The following RGS16 variants were observed in gnomAD, a reference collection of about 807,000 sequenced individuals.
RGS16 encodes the protein hRGS-r.
A neutral mutation model predicts 18.1 loss-of-function variants in RGS16; 12 were observed. That is an observed-to-expected ratio of 0.66 (90% CI 0.42 to 1.07). The LOEUF is 1.07. RGS16 is among the 50% of genes least tolerant of loss of function. RGS16 has a pLI of 0.00. For synonymous variants in RGS16, 88 were observed against 102.0 expected, an observed-to-expected ratio of 0.86 and a Z score of 0.83; for missense variants, 238 against 249.2, an observed-to-expected ratio of 0.95 and a Z score of 0.30.
chr1:182,603,214 G>C lies in RGS16; in HGVS notation c.155+15C>G, dbSNP rs1182107805. 1 of 1,580,868 alleles carries C rather than the reference G, an allele frequency of 6.3e-7. No homozygotes were observed. Among genetic ancestry groups the C allele is most frequent in the Non-Finnish European group, 8.7e-7 (1 of 1,149,768 alleles). On this transcript the variant is annotated intron_variant, in intron 2 of 4. Coordinates refer to ENST00000367558, the MANE Select transcript of RGS16 (RefSeq NM_002928.4). ...CCTTCCCTCTCGGAGCCCTGAGCTG[G>C]TCAGCAACACTTACTTCTCTTTGCT...
chr1:182,604,371 G>C lies in RGS16; in HGVS notation c.-112C>G. 2 of 1,080,594 alleles carry C rather than the reference G, an allele frequency of 1.9e-6. No homozygotes were observed. The highest frequency in any genetic ancestry group is 2.6e-6 in the Non-Finnish European group (2 of 771,360). 66.9% of individuals were successfully genotyped at this position (1,080,594 alleles called of 1,614,324 possible). A position where few individuals can be genotyped will look rare whatever the true frequency, so the allele number is the denominator to read the frequency against. On this transcript the variant is annotated 5_prime_UTR_variant, in exon 1 of 5. Coordinates refer to ENST00000367558, the MANE Select transcript of RGS16 (RefSeq NM_002928.4). ...AGCAGGTGCTAGTCAACTGCGGTTG[G>C]GTTTAGCAGCCTGCAAGCGCCCAGA...
At chr1:182,600,941 T>C (rs1331211054) in intron 4 of RGS16, among the ~76,000 whole-genome samples, 1 of 152,166 alleles carries the variant, frequency 6.6e-6, no homozygotes, top group Admixed American at 6.5e-5. Context: ...TGTTGTCTCC[T>C]CATGTCTTTC....
At chr1:182,602,943 C>T (rs558299925) in intron 2 of RGS16, among the ~76,000 whole-genome samples, 1 of 152,250 alleles carries the variant, frequency 6.6e-6, no homozygotes, top group East Asian at 1.9e-4. Context: ...CTGTCCTAGC[C>T]CTGGATGCAC....
rs1258186959 is a variant in RGS16 at position 182,599,673 on chromosome 1, G to C, written c.*619C>G. 6.5e-6 allele frequency: 1 copy of C among 154,302 alleles called. No homozygotes were observed. The highest frequency in any genetic ancestry group is 2.4e-5 in the African/African-American group (1 of 41,464). The allele number at this position is 154,302 out of a possible 1,614,324, so 9.6% of individuals were successfully genotyped here. On this transcript the variant is annotated 3_prime_UTR_variant, in exon 5 of 5. Coordinates refer to ENST00000367558, the MANE Select transcript of RGS16 (RefSeq NM_002928.4). Reference sequence around the variant, plus strand: ...GGTATAAATATCTCGCATGGGGCAAGAGTCACATCAGCTTGCTGGCCTTGA... The same window carrying C: ...GGTATAAATATCTCGCATGGGGCAACAGTCACATCAGCTTGCTGGCCTTGA...
intron 2 of RGS16, 72 bp from the exon 3 acceptor site, chr1:182,602,556 C>T: frequency 8.0e-7 from 1 of 1,255,334 alleles, no homozygotes; most frequent in Non-Finnish European, 1.1e-6. Flanking sequence ...AAATTCTAGC[C>T]AGAACTCTGA....
In RGS16 at chr1:182,604,354, C is replaced by A. The variant is rs928956433; in HGVS notation, c.-95G>T. ...GGAAGCAAAGGCGCGGTAGCAGGTG[C>A]TAGTCAACTGCGGTTGGGTTTAGCA... On this transcript the variant is annotated 5_prime_UTR_variant, in exon 1 of 5. Coordinates refer to ENST00000367558, the MANE Select transcript of RGS16 (RefSeq NM_002928.4). 1 of 1,290,054 alleles carries A rather than the reference C, an allele frequency of 7.8e-7. No homozygotes were observed. The allele number at this position is 1,290,054 out of a possible 1,614,324, so 79.9% of individuals were successfully genotyped here.
chr1:182,604,139 C>G, intron 1 of RGS16, 77 bp downstream of exon 1: 1 of 1,491,350 alleles, frequency 6.7e-7, no homozygotes, highest in Non-Finnish European at 9.1e-7. Context: ...CGCGCCCACC[C>G]AGGTCCCCAG....
chr1:182,600,292 TC>T lies in RGS16; in HGVS notation c.608del (p.Ter203=). On this transcript the variant is annotated frameshift_variant and stop_lost, in exon 5 of 5. Coordinates refer to ENST00000367558, the MANE Select transcript of RGS16 (RefSeq NM_002928.4). LOFTEE classifies it high-confidence loss of function. ...SCSLDEPSHT[*>X] The stretch of plus-strand genomic sequence containing the variant: ...CTGGCTTCCTCACTGCCGTGGAGAC[TC>T]AGGTGTGTGAGGGCTCGTCCAGGCT... 6.2e-7 allele frequency: 1 copy of T among 1,608,832 alleles called. No individual in the cohort carries two copies. The highest frequency in any genetic ancestry group is 8.5e-7 in the Non-Finnish European group (1 of 1,177,684).
Position 182,604,360 on chromosome 1 carries a change from A to G in RGS16, c.-101T>C. 1 of 1,257,014 alleles carries G rather than the reference A, an allele frequency of 8.0e-7. No homozygotes were observed. Among genetic ancestry groups the G allele is most frequent in the Non-Finnish European group, 1.1e-6 (1 of 919,530 alleles). The allele number at this position is 1,257,014 out of a possible 1,614,324, so 77.9% of individuals were successfully genotyped here. ...AAAGGCGCGGTAGCAGGTGCTAGTCAACTGCGGTTGGGTTTAGCAGCCTGC... is the reference window on the plus strand; with the variant it reads ...AAAGGCGCGGTAGCAGGTGCTAGTCGACTGCGGTTGGGTTTAGCAGCCTGC... On this transcript the variant is annotated 5_prime_UTR_variant, in exon 1 of 5. Transcript: ENST00000367558.
intron 4 of RGS16, 130 bp from the exon 5 acceptor site, chr1:182,600,643 G>A: frequency 1.4e-6 from 1 of 706,602 alleles, no homozygotes; most frequent in Non-Finnish European, 2.5e-6. Flanking sequence ...CTCCTGAGTT[G>A]ATCACTAGCT....
rs965762358 is a variant in RGS16 at position 182,599,936 on chromosome 1, A to C, written c.*356T>G. 1 of 256,412 alleles carries C rather than the reference A, an allele frequency of 3.9e-6. No homozygotes were observed. Among genetic ancestry groups the C allele is most frequent in the Non-Finnish European group, 7.5e-6 (1 of 132,854 alleles). The allele number at this position is 256,412 out of a possible 1,614,324, so 15.9% of individuals were successfully genotyped here. On this transcript the variant is annotated 3_prime_UTR_variant, in exon 5 of 5. Coordinates refer to ENST00000367558, the MANE Select transcript of RGS16 (RefSeq NM_002928.4). ...TCCTCTCATTTTCATGGTTCCCTTT[A>C]TCCACATGTTTCCTAAACCACACTA...
rs185387856 is a variant in RGS16, at chr1:182,600,237, G to A, written c.*55C>T. The stretch of plus-strand genomic sequence containing the variant: ...CCTCCCACACAGGGGCAGCCACCTC[G>A]GGGATGGGTGACTCAACCTCTCTTC... On this transcript the variant is annotated 3_prime_UTR_variant, in exon 5 of 5. Coordinates refer to ENST00000367558, the MANE Select transcript of RGS16 (RefSeq NM_002928.4). 24 of 1,491,622 alleles carry A rather than the reference G, an allele frequency of 1.6e-5. No homozygotes were observed. Among genetic ancestry groups the A allele is most frequent in the Admixed American group, 1.0e-4 (6 of 57,984 alleles). The allele number at this position is 1,491,622 out of a possible 1,614,324, so 92.4% of individuals were successfully genotyped here.
intron 2 of RGS16, 31 bp from the exon 3 acceptor site, chr1:182,602,515 G>T: frequency 6.3e-7 from 1 of 1,581,746 alleles, no homozygotes; most frequent in Non-Finnish European, 8.7e-7. Context: ...AAAAGAGTAA[G>T]AAAAAAAATC....
chr1:182,603,962 T>G (rs1220947864), intron 1 of RGS16, among the ~76,000 whole-genome samples: 1 of 152,172 alleles, frequency 6.6e-6, no homozygotes, highest in African/African-American at 2.4e-5. Flanking sequence ...CAGCCGGGTC[T>G]TCAGCAGGTC....
chr1:182,600,989 T>C (rs532619347), intron 4 of RGS16, among the ~76,000 whole-genome samples: 1 of 152,266 alleles, frequency 6.6e-6, no homozygotes, highest in East Asian at 1.9e-4. Flanking sequence ...CCCACGAGGC[T>C]CCCCAAGCCC....
chr1:182,604,163 C>G, intron 1 of RGS16, 53 bp downstream of exon 1: 1 of 1,545,554 alleles, frequency 6.5e-7, no homozygotes, highest in South Asian at 1.2e-5. Flanking sequence ...TGCCGCTCCA[C>G]TCCCTAAGAG....
chr1:182,600,177 TTTTTTG>T lies in RGS16; in HGVS notation c.*109_*114del. On this transcript the variant is annotated 3_prime_UTR_variant, in exon 5 of 5. Coordinates refer to ENST00000367558, the MANE Select transcript of RGS16 (RefSeq NM_002928.4). ...GCGCATTTTTTTTTTTTTTTTTTTT[TTTTTTG>T]TCCTCTTGCACTTGCTTTGCAGAAC... is the stretch of plus-strand genomic sequence containing the variant. The T allele has an allele frequency of 2.5e-5, 13 of 512,186 alleles. No individual in the cohort carries two copies. The highest frequency in any genetic ancestry group is 3.8e-5 in the East Asian group (1 of 26,516). The allele number at this position is 512,186 out of a possible 1,614,324, so 31.7% of individuals were successfully genotyped here.
rs2102382408 is a variant in RGS16 at position 182,604,322 on chromosome 1, T to A, written c.-63A>T. The A allele has an allele frequency of 6.7e-7, 1 of 1,496,682 alleles. No homozygotes were observed. Among genetic ancestry groups the A allele is most frequent in the African/African-American group, 1.4e-5 (1 of 71,288 alleles). 92.7% of individuals were successfully genotyped at this position (1,496,682 alleles called of 1,614,324 possible). The stretch of plus-strand genomic sequence containing the variant: ...GTGGCAGGCTCCAGGAGGCTCCGCG[T>A]GCGCCAGGAAGCAAAGGCGCGGTAG... On this transcript the variant is annotated 5_prime_UTR_variant, in exon 1 of 5. Coordinates refer to ENST00000367558, the MANE Select transcript of RGS16 (RefSeq NM_002928.4).
chr1:182,603,138 C>T (rs1423877724), intron 2 of RGS16, 91 bp downstream of exon 2: 12 of 906,548 alleles, frequency 1.3e-5, no homozygotes, highest in East Asian at 2.4e-5. Context: ...GTCCACTTAG[C>T]GTGTCCTGGC....
Sources: gnomAD v4.1 joint callset for allele counts (sites outside exome capture counted in the v4.1 genomes callset) on GRCh38, gnomAD v4.1.1 for gene constraint, MANE v1.5 for transcripts, NCBI Gene and HGNC (gene_info 2026-07-23, HGNC 2026-07-21) for gene names.